Variants in IRAG1 observed in about 807,000 individuals in gnomAD.
The protein encoded by IRAG1 is inositol 1,4,5-triphosphate receptor associated 1.
A neutral mutation model predicts 106.2 loss-of-function variants in IRAG1; 62 were observed. The ratio of observed to expected loss-of-function variants is 0.58; its 90% CI spans 0.48 to 0.72. The LOEUF is 0.72. Among genes scored for constraint, IRAG1 ranks in the 30% least tolerant of loss-of-function variants. The probability of loss-of-function intolerance (pLI) is 0.00; values close to 1 mark genes in which losing one functional copy is unlikely to be tolerated. For synonymous variants in IRAG1, 462 were observed against 443.9 expected (o/e 1.04, Z -0.51); for missense variants, 1,064 against 1,140.7 (o/e 0.93, Z 0.97).
Position 10,576,235 on chromosome 11 carries a change from G to A in IRAG1, c.*97C>T. 13 of 1,508,624 alleles carry A rather than the reference G, an allele frequency of 8.6e-6. No homozygotes were observed. The highest frequency in any genetic ancestry group is 1.4e-5 in the African/African-American group (1 of 73,030). 93.5% of individuals were successfully genotyped at this position (1,508,624 alleles called of 1,614,324 possible). On this transcript the variant is annotated 3_prime_UTR_variant, in exon 21 of 21. Coordinates refer to ENST00000423302, the MANE Select transcript of IRAG1 (RefSeq NM_130385.4). ...CCTTCCTCATGACCTGATGGGATGG[G>A]CGGCAGTGTGTCCACACTTGGGCCT...
At chr11:10,692,588 G>C (rs1233967127) in intron 1 of IRAG1, among the ~76,000 whole-genome samples, 1 of 152,126 alleles carries the variant, frequency 6.6e-6, no homozygotes, top group Non-Finnish European at 1.5e-5. Context: ...ACAGTCCCAG[G>C]AAGCTTCCTC....
Position 10,647,218 on chromosome 11 carries a change from C to A in IRAG1, c.225+4807G>T, listed in dbSNP as rs1229829165. ...GTGCTCAGTGCGGGTATGGACTAAGCATGGGCTTTGGGGTCAGGCTGCCTG... is the reference window on the plus strand; with the variant it reads ...GTGCTCAGTGCGGGTATGGACTAAGAATGGGCTTTGGGGTCAGGCTGCCTG... On this transcript the variant is annotated intron_variant, in intron 2 of 20. Transcript: ENST00000423302. This position sits in a 1 kb window ranked among gnomAD's most constrained non-coding sequence, Gnocchi z 4.3. 6.6e-6 allele frequency among the ~76,000 whole-genome samples: 1 copy of A among 152,166 alleles called. No homozygotes were observed. The highest frequency in any genetic ancestry group is 2.4e-5 in the African/African-American group (1 of 41,444).
intron 10 of IRAG1, among the ~76,000 whole-genome samples, chr11:10,614,736 A>G (rs1855256327): frequency 6.6e-6 from 1 of 152,262 alleles, no homozygotes; most frequent in South Asian, 2.1e-4. Context: ...CTGGCTAGCC[A>G]TATGTAGAAA....
chr11:10,649,546 C>T (rs139482623), intron 2 of IRAG1, among the ~76,000 whole-genome samples: 215 of 152,292 alleles, frequency 1.4e-3, no homozygotes, highest in African/African-American at 4.8e-3. Context: ...GGGATTGAAG[C>T]CCAGCTTGGT....
chr11:10,576,124 T>TC lies in IRAG1; in HGVS notation c.*207dup. The TC allele has an allele frequency of 1.6e-6, 1 of 619,924 alleles. No individual in the cohort carries two copies. Among genetic ancestry groups the TC allele is most frequent in the South Asian group, 2.1e-5 (1 of 48,580 alleles). The allele number at this position is 619,924 out of a possible 1,614,324, so 38.4% of individuals were successfully genotyped here. A position where few individuals can be genotyped will look rare whatever the true frequency, so the allele number is the denominator to read the frequency against. The stretch of plus-strand genomic sequence containing the variant: ...TGACTTCTTCATCCACTGGATGCTT[T>TC]CCCAGGGCAGTTTTGTTGATCCTCC... On this transcript the variant is annotated 3_prime_UTR_variant, in exon 21 of 21. Coordinates refer to ENST00000423302, the MANE Select transcript of IRAG1 (RefSeq NM_130385.4).
At chr11:10,613,124 C>A (rs1051898105) in intron 10 of IRAG1, among the ~76,000 whole-genome samples, 2 of 152,070 alleles carry the variant, frequency 1.3e-5, no homozygotes, top group Non-Finnish European at 1.5e-5. Context: ...GTCTCCGAAG[C>A]AGTGAACAAA....
chr11:10,659,610 T>G lies in IRAG1; in HGVS notation c.68-7428A>C, dbSNP rs1360310087. On this transcript the variant is annotated intron_variant, in intron 1 of 20. Coordinates refer to ENST00000423302, the MANE Select transcript of IRAG1 (RefSeq NM_130385.4). The surrounding 1 kb of genome is among the most constrained non-coding windows in gnomAD (Gnocchi z 4.1). ...TCGTATAGGCTTTGTTGGCTGGGGG[T>G]GCCCTGGGAAGGAGCCAGCACCTGC... Among the ~76,000 whole-genome samples the G allele has an allele frequency of 6.6e-6, 1 of 151,966 alleles. No individual in the cohort carries two copies. Among genetic ancestry groups the G allele is most frequent in the African/African-American group, 2.4e-5 (1 of 41,344 alleles).
In IRAG1 at chr11:10,657,591, G is replaced by A. The variant is rs1697387202; in HGVS notation, c.68-5409C>T. Among the ~76,000 whole-genome samples the A allele has an allele frequency of 6.6e-6, 1 of 152,212 alleles. No homozygotes were observed. Among genetic ancestry groups the A allele is most frequent in the Non-Finnish European group, 1.5e-5 (1 of 68,044 alleles). Reference sequence around the variant, plus strand: ...AACCTAGCCTCCACTGACCTTTCTGGAGTGACTCAGTATTCTCAGAAGGGA... The same window carrying A: ...AACCTAGCCTCCACTGACCTTTCTGAAGTGACTCAGTATTCTCAGAAGGGA... On this transcript the variant is annotated intron_variant, in intron 1 of 20. Transcript: ENST00000423302. This position sits in a 1 kb window ranked among gnomAD's most constrained non-coding sequence, Gnocchi z 4.1.
At chr11:10,614,610 C>G (rs1017617523) in intron 10 of IRAG1, among the ~76,000 whole-genome samples, 4 of 152,148 alleles carry the variant, frequency 2.6e-5, no homozygotes, top group Admixed American at 2.6e-4. Context: ...ACCAATGGAA[C>G]AGAACAAAGC....
chr11:10,614,993 C>T (rs1171637659), intron 10 of IRAG1, among the ~76,000 whole-genome samples: 1 of 152,194 alleles, frequency 6.6e-6, no homozygotes, highest in Non-Finnish European at 1.5e-5. Flanking sequence ...TCAGAGTGAA[C>T]AGGCAACCTA....
intron 17 of IRAG1, chr11:10,593,242 G>C (rs573039945): frequency 3.2e-6 from 1 of 310,234 alleles, no homozygotes; most frequent in South Asian, 4.5e-5. Context: ...AGCACAAAAA[G>C]AGTTATCATT....
chr11:10,591,076 A>G (rs1249691906), intron 18 of IRAG1, among the ~76,000 whole-genome samples: 2 of 152,148 alleles, frequency 1.3e-5, no homozygotes, highest in African/African-American at 4.8e-5. Context: ...TTCTTCCTCT[A>G]GGTATTGTCC....
chr11:10,661,577 G>A (rs559854361), intron 1 of IRAG1, among the ~76,000 whole-genome samples: 113 of 152,284 alleles, frequency 7.4e-4, no homozygotes, highest in African/African-American at 2.6e-3. Flanking sequence ...CAGCTTTAGA[G>A]GCTGCCTACA....
At chr11:10,682,647 C>T (rs965809093) in intron 1 of IRAG1, among the ~76,000 whole-genome samples, 1 of 152,210 alleles carries the variant, frequency 6.6e-6, no homozygotes, top group Admixed American at 6.5e-5. Context: ...GGTTAGTTAT[C>T]TATGGAAGTA....
rs536820562 is a variant in IRAG1 at position 10,657,731 on chromosome 11, G to A, written c.68-5549C>T. Among the ~76,000 whole-genome samples the A allele has an allele frequency of 2.0e-4, 31 of 152,284 alleles. No individual in the cohort carries two copies. The highest frequency in any genetic ancestry group is 7.0e-4 in the African/African-American group (29 of 41,566). On this transcript the variant is annotated intron_variant, in intron 1 of 20. Coordinates refer to ENST00000423302, the MANE Select transcript of IRAG1 (RefSeq NM_130385.4). The surrounding 1 kb of genome is among the most constrained non-coding windows in gnomAD (Gnocchi z 4.1). ...GTCTATCTCTAGATGGACAACTGAT[G>A]GGGGGAATTGTTGGGGGTGACTGCA...
At chr11:10,685,844 G>A (rs1861627171) in intron 1 of IRAG1, among the ~76,000 whole-genome samples, 1 of 152,116 alleles carries the variant, frequency 6.6e-6, no homozygotes, top group African/African-American at 2.4e-5. Context: ...TTAGGGATAG[G>A]TCCAGGACTC....
Position 10,628,784 on chromosome 11 carries a change from G to T in IRAG1, c.619C>A (p.Arg207=), listed in dbSNP as rs762808034. 3.2e-6 allele frequency: 5 copies of T among 1,560,742 alleles called. No individual in the cohort carries two copies. In the East Asian group the frequency reaches 1.2e-4, roughly 38 times the overall value. ...LSPSASPTSS[R]SNSLTVPTPP... ...GTGGGGACTGTAAGTGAGTTGCTCC[G>T]AGAGGATGTAGGAGAAGCGCTGGGG... The change falls in exon 6 of 21, where the codon CGG becomes AGG. Residue 207 remains arginine (R), a synonymous_variant. Transcript: ENST00000423302. The surrounding 1 kb of genome is among the most constrained non-coding windows in gnomAD (Gnocchi z 4.1).
intron 1 of IRAG1, among the ~76,000 whole-genome samples, chr11:10,678,352 G>C (rs534450545): frequency 6.6e-6 from 1 of 152,298 alleles, no homozygotes; most frequent in South Asian, 2.1e-4. Context: ...GTCGTCTCCT[G>C]ATGGCAATCC....
At chr11:10,650,443 C>T (rs1160041529) in intron 2 of IRAG1, among the ~76,000 whole-genome samples, 5 of 152,074 alleles carry the variant, frequency 3.3e-5, no homozygotes, top group Non-Finnish European at 7.4e-5. Flanking sequence ...GGGGGAGTTG[C>T]CCAGGATTTA....
Sources: allele counts gnomAD v4.1 joint callset (sites outside exome capture counted in the v4.1 genomes callset), GRCh38; gene constraint gnomAD v4.1.1; non-coding constraint Gnocchi (gnomAD v3.1); transcripts MANE v1.5; gene names NCBI Gene and HGNC (gene_info 2026-07-23, HGNC 2026-07-21).